LMX1A: variants seen among roughly 807,000 people sequenced by gnomAD.
The protein encoded by LMX1A is LIM homeobox transcription factor 1 alpha.
LMX1A carries 15 observed loss-of-function variants against 49.1 expected under a neutral mutation model. The observed-to-expected ratio is 0.31, with a 90% confidence interval of 0.20 to 0.47. The LOEUF (loss-of-function observed/expected upper bound fraction) is 0.47, where lower values mean the gene tolerates loss of function less well. LMX1A is among the 20% of genes least tolerant of loss of function. LMX1A has a pLI of 1.00. For synonymous variants in LMX1A, 167 were observed against 185.7 expected, an observed-to-expected ratio of 0.90 and a Z score of 0.82; for missense variants, 372 against 475.8, an observed-to-expected ratio of 0.78 and a Z score of 2.03.
At chr1:165,206,131 T>G (rs993516870) in intron 7 of LMX1A, 97 bp from the exon 8 acceptor site, 4 of 1,186,292 alleles carry the variant, frequency 3.4e-6, no homozygotes, top group Non-Finnish European at 4.7e-6. Context: ...TAAAATGGGA[T>G]GAGGTGACAT....
At chr1:165,238,688 A>G (rs1333744149) in intron 4 of LMX1A, among the ~76,000 whole-genome samples, 2 of 152,218 alleles carry the variant, frequency 1.3e-5, no homozygotes, top group African/African-American at 4.8e-5. Context: ...CTCAGGTAGT[A>G]AGTCCTACTG....
intron 3 of LMX1A, among the ~76,000 whole-genome samples, chr1:165,306,694 G>T (rs1385836307): frequency 1.3e-5 from 2 of 152,186 alleles, no homozygotes; most frequent in African/African-American, 4.8e-5. Context: ...AATGTAGTCA[G>T]CACAGGATGG....
At chr1:165,334,390 A>T (rs1013254846) in intron 3 of LMX1A, among the ~76,000 whole-genome samples, 1 of 152,216 alleles carries the variant, frequency 6.6e-6, no homozygotes, top group African/African-American at 2.4e-5. Context: ...GCTTAATAAC[A>T]GTAAGTTTTA....
chr1:165,257,429 A>G (rs553941807), intron 3 of LMX1A, among the ~76,000 whole-genome samples: 1 of 135,650 alleles, frequency 7.4e-6, no homozygotes, highest in Non-Finnish European at 1.6e-5. Flanking sequence ...AGGTAGGTGA[A>G]AGGCAGGAGT....
At chr1:165,278,741 G>C (rs528853424) in intron 3 of LMX1A, among the ~76,000 whole-genome samples, 45 of 152,246 alleles carry the variant, frequency 3.0e-4, no homozygotes, top group African/African-American at 9.9e-4. Context: ...GGACTGCAAG[G>C]CCTCAGACAC....
chr1:165,212,237 CGCTGGGCTAAGCCCAT>C (rs1259860488), intron 5 of LMX1A, among the ~76,000 whole-genome samples: 1 of 33,518 alleles, frequency 3.0e-5, no homozygotes, highest in Non-Finnish European at 6.4e-5. Context: ...ACTGCACCTA[CGCTGGGCTAAGCCCAT>C]GCCTTGCTTT....
chr1:165,258,354 G>A (rs1232421048), intron 3 of LMX1A, among the ~76,000 whole-genome samples: 1 of 152,194 alleles, frequency 6.6e-6, no homozygotes, highest in Non-Finnish European at 1.5e-5. Flanking sequence ...AACCTTGTCA[G>A]CTGGCTCAAG....
intron 3 of LMX1A, among the ~76,000 whole-genome samples, chr1:165,292,181 G>A (rs1280190544): frequency 1.3e-5 from 2 of 151,742 alleles, no homozygotes; most frequent in Non-Finnish European, 2.9e-5. Context: ...GACTGCCAAA[G>A]TGAACCAACA....
chr1:165,256,019 C>G (rs1168009463), intron 3 of LMX1A, among the ~76,000 whole-genome samples: 1 of 152,122 alleles, frequency 6.6e-6, no homozygotes, highest in African/African-American at 2.4e-5. Context: ...AGAACACTTC[C>G]TCCGCAGCAT....
At chr1:165,204,233 T>C (rs908322764) in intron 8 of LMX1A, among the ~76,000 whole-genome samples, 193 bp from the exon 9 acceptor site, 1 of 152,182 alleles carries the variant, frequency 6.6e-6, no homozygotes, top group African/African-American at 2.4e-5. Flanking sequence ...AACCAGGATA[T>C]GACAAAGTGC....
chr1:165,221,242 T>G (rs189806280), intron 4 of LMX1A, among the ~76,000 whole-genome samples: 4 of 152,050 alleles, frequency 2.6e-5, no homozygotes, highest in African/African-American at 7.2e-5. Context: ...GCAGCATTAT[T>G]GTTATTAAAG....
At chr1:165,292,945 T>A (rs946273976) in intron 3 of LMX1A, among the ~76,000 whole-genome samples, 7 of 151,930 alleles carry the variant, frequency 4.6e-5, no homozygotes, top group Admixed American at 3.3e-4. Context: ...AGTGAAACCA[T>A]GTCTCTACTA....
chr1:165,305,903 C>T (rs1654907422), intron 3 of LMX1A, among the ~76,000 whole-genome samples: 1 of 152,128 alleles, frequency 6.6e-6, no homozygotes, highest in African/African-American at 2.4e-5. Context: ...CGAGCACAGC[C>T]CTGGTCCTGA....
chr1:165,256,548 C>A (rs1368703270), intron 3 of LMX1A, among the ~76,000 whole-genome samples: 1 of 152,070 alleles, frequency 6.6e-6, no homozygotes, highest in Non-Finnish European at 1.5e-5. Context: ...TAAACAAAAT[C>A]TTTTCCAGAA....
chr1:165,260,077 CAT>C (rs1653384389), intron 3 of LMX1A, among the ~76,000 whole-genome samples: 1 of 152,194 alleles, frequency 6.6e-6, no homozygotes, highest in South Asian at 2.1e-4. Context: ...ATAAAACAGA[CAT>C]ATGGAAAATA....
intron 3 of LMX1A, among the ~76,000 whole-genome samples, chr1:165,283,600 T>C (rs1039667791): frequency 6.6e-6 from 1 of 152,224 alleles, no homozygotes; most frequent in Non-Finnish European, 1.5e-5. Context: ...CACATCTTAA[T>C]GTAGCCATCT....
intron 3 of LMX1A, 122 bp from the exon 4 acceptor site, chr1:165,249,762 T>A: frequency 1.4e-6 from 1 of 690,250 alleles, no homozygotes; most frequent in Non-Finnish European, 2.5e-6. Context: ...TAGAATGGAA[T>A]GTACTTTAAA....
At chr1:165,250,155 G>A (rs1653005656) in intron 3 of LMX1A, among the ~76,000 whole-genome samples, 1 of 152,080 alleles carries the variant, frequency 6.6e-6, no homozygotes. Context: ...TGATGGGCTG[G>A]TAAGTGCAGC....
chr1:165,316,559 G>A (rs1423576060), intron 3 of LMX1A, among the ~76,000 whole-genome samples: 2 of 152,210 alleles, frequency 1.3e-5, no homozygotes, highest in Non-Finnish European at 1.5e-5. Context: ...GCAGGGAGGC[G>A]CTGGGCAGGA....
Sources: gnomAD v4.1 joint callset for allele counts (sites outside exome capture counted in the v4.1 genomes callset) on GRCh38, gnomAD v4.1.1 for gene constraint, MANE v1.5 for transcripts, NCBI Gene and HGNC (gene_info 2026-07-23, HGNC 2026-07-21) for gene names.